Variants in SPATA1 observed in about 807,000 individuals in gnomAD.
The protein encoded by SPATA1 is spermatogenesis associated 1, also known as spermatogenesis-associated protein 1.
Under a neutral mutation model 59.6 loss-of-function variants are expected in SPATA1, and 57 were observed. That is an observed-to-expected ratio of 0.96 (90% CI 0.77 to 1.19). The LOEUF (loss-of-function observed/expected upper bound fraction) is 1.19. Among genes scored for constraint, SPATA1 ranks in the 50% most tolerant of loss-of-function variants. SPATA1 has a pLI of 0.00. For synonymous variants in SPATA1, 147 were observed against 163.9 expected (o/e 0.90, Z 0.79); for missense variants, 448 against 480.7 (o/e 0.93, Z 0.64).
intron 12 of SPATA1, chr1:84,551,308 T>A (rs1426908805): frequency 4.1e-6 from 4 of 971,052 alleles, no homozygotes; most frequent in Non-Finnish European, 4.9e-6. Context: ...ATTAGCTCTT[T>A]TTAAAAAAAT....
intron 7 of SPATA1, 73 bp from the exon 8 acceptor site, chr1:84,533,636 T>C: frequency 8.4e-7 from 1 of 1,188,748 alleles, no homozygotes; most frequent in Non-Finnish European, 1.2e-6. Flanking sequence ...TCAAATAAAA[T>C]ACATAAAATA....
chr1:84,513,040 T>C (rs1227696818), intron 1 of SPATA1, among the ~76,000 whole-genome samples: 1 of 99,388 alleles, frequency 1.0e-5, no homozygotes, highest in East Asian at 2.2e-4. Context: ...AAATCCCACA[T>C]GTTATATGTT....
downstream of SPATA1, chr1:84,555,274 AG>A: frequency 8.7e-7 from 1 of 1,145,652 alleles, no homozygotes. Context: ...GAAAAATAAA[AG>A]AAGTATACAG....
intron 2 of SPATA1, among the ~76,000 whole-genome samples, chr1:84,518,471 G>T (rs973362978): frequency 6.6e-6 from 1 of 151,996 alleles, no homozygotes; most frequent in African/African-American, 2.4e-5. Context: ...CAGAGGGAGA[G>T]AATTACTCTT....
intron 8 of SPATA1, 109 bp downstream of exon 8, chr1:84,533,875 C>T (rs1464482736): frequency 4.5e-6 from 3 of 666,792 alleles, no homozygotes; most frequent in African/African-American, 1.9e-5. Flanking sequence ...CAGAAACATA[C>T]TTCTAATATC....
At chr1:84,556,563 T>A (rs1318610252), downstream of SPATA1, among the ~76,000 whole-genome samples, 2 of 151,646 alleles carry the variant, frequency 1.3e-5, no homozygotes, top group African/African-American at 2.4e-5. Context: ...TACAAAAAAA[T>A]TAGCTGGGCT....
intron 2 of SPATA1, among the ~76,000 whole-genome samples, chr1:84,517,114 A>G (rs1233199292): frequency 1.3e-5 from 2 of 152,102 alleles, no homozygotes; most frequent in Admixed American, 6.6e-5. Flanking sequence ...CTTATCCTAA[A>G]CATTCTTGAT....
chr1:84,567,272 T>C (rs1684718942), downstream of SPATA1, among the ~76,000 whole-genome samples: 1 of 152,214 alleles, frequency 6.6e-6, no homozygotes, highest in African/African-American at 2.4e-5. Context: ...GAAATAAAAT[T>C]ATTACATATT....
chr1:84,542,695 T>C (rs1683952718), intron 8 of SPATA1, among the ~76,000 whole-genome samples: 1 of 152,178 alleles, frequency 6.6e-6, no homozygotes, highest in African/African-American at 2.4e-5. Context: ...AAGGATTCTG[T>C]GCCCAAATTA....
intron 10 of SPATA1, 29 bp from the exon 11 acceptor site, chr1:84,548,750 CTTTTTTT>C (rs56250726): frequency 7.5e-4 from 677 of 908,324 alleles, no homozygotes; most frequent in African/African-American, 1.9e-3. Context: ...AAGGCCTTTC[CTTTTTTT>C]TTTTTTTTTT....
At chr1:84,564,713 A>C (rs1227338094) in intron 4 of SPATA1, among the ~76,000 whole-genome samples, 1 of 152,190 alleles carries the variant, frequency 6.6e-6, no homozygotes, top group Non-Finnish European at 1.5e-5. Context: ...ATTAATAATT[A>C]CTTCGTAATT....
At chr1:84,536,691 G>A (rs529179410) in intron 8 of SPATA1, among the ~76,000 whole-genome samples, 6 of 151,976 alleles carry the variant, frequency 3.9e-5, no homozygotes, top group Non-Finnish European at 7.4e-5. Context: ...TGATCCGCCC[G>A]CCTCGGCCTC....
chr1:84,548,406 ATATGT>A lies in SPATA1; in HGVS notation c.947-376_947-372del, dbSNP rs929713912. ...ATACATATATTACTTTTATAGTTATATATGTTATATGTATATATGTTATAGTTTTA... is the reference window on the plus strand; with the variant it reads ...ATACATATATTACTTTTATAGTTATATATATGTATATATGTTATAGTTTTA... On this transcript the variant is annotated intron_variant, in intron 10 of 12. Coordinates refer to ENST00000490879, the Ensembl canonical transcript of SPATA1. Among the ~76,000 whole-genome samples, 15 of 146,428 alleles carry A rather than the reference ATATGT, an allele frequency of 1.0e-4. No individual in the cohort carries two copies. The East Asian group carries it at 1.6e-3, about 15-fold the overall frequency.
At chr1:84,561,402 A>G (rs1265158488) in intron 4 of SPATA1, among the ~76,000 whole-genome samples, 2 of 152,250 alleles carry the variant, frequency 1.3e-5, no homozygotes, top group Non-Finnish European at 1.5e-5. Context: ...ACTTCTTATG[A>G]ATACGCAAAG....
At chr1:84,513,049 T>G (rs758550032) in intron 1 of SPATA1, among the ~76,000 whole-genome samples, 6 of 152,352 alleles carry the variant, frequency 3.9e-5, no homozygotes, top group Non-Finnish European at 7.4e-5. Flanking sequence ...ATGTTATATG[T>G]TAGGATTTAG....
chr1:84,549,034 A>G (rs1684190386), intron 11 of SPATA1, 70 bp downstream of exon 11: 1 of 1,362,950 alleles, frequency 7.3e-7, no homozygotes, highest in South Asian at 2.0e-5. Context: ...AAGTGCTAGT[A>G]GTATCACAAG....
At chr1:84,543,503 T>A (rs2101996865) in intron 8 of SPATA1, among the ~76,000 whole-genome samples, 1 of 152,190 alleles carries the variant, frequency 6.6e-6, no homozygotes, top group Middle Eastern at 3.4e-3. Context: ...GGAGCAAGGC[T>A]GGAGCAGGAG....
downstream of SPATA1, chr1:84,554,956 T>C (rs1684385177): frequency 6.8e-7 from 1 of 1,478,830 alleles, no homozygotes; most frequent in Non-Finnish European, 9.4e-7. Context: ...GATCTGTTGA[T>C]ACAGATCATC....
chr1:84,557,533 C>CAAAAAAAAAAAAAA (rs56101174), downstream of SPATA1, among the ~76,000 whole-genome samples: 29 of 55,368 alleles, frequency 5.2e-4, no homozygotes, highest in Non-Finnish European at 8.1e-4. Flanking sequence ...AACTCCATCT[C>CAAAAAAAAAAAAAA]AAAAAAAAAA....
Sources: gnomAD v4.1 joint callset for allele counts (sites outside exome capture counted in the v4.1 genomes callset) on GRCh38, gnomAD v4.1.1 for gene constraint, MANE v1.5 for transcripts, NCBI Gene and HGNC (gene_info 2026-07-23, HGNC 2026-07-21) for gene names.